Variants in PIGU observed in about 807,000 individuals in gnomAD.
PIGU encodes the protein phosphatidylinositol glycan anchor biosynthesis class U, also known as GPI-anchor transamidase component PIGU.
In PIGU, 24 loss-of-function variants were observed where a neutral mutation model predicts 49.9. That is an observed-to-expected ratio of 0.48 (90% CI 0.35 to 0.68). The LOEUF (loss-of-function observed/expected upper bound fraction) is 0.68, where lower values mean the gene tolerates loss of function less well. PIGU is among the 30% of genes least tolerant of loss of function. The probability of loss-of-function intolerance (pLI) is 0.01; values close to 1 mark genes in which losing one functional copy is unlikely to be tolerated. For synonymous variants in PIGU, 220 were observed against 205.7 expected, an observed-to-expected ratio of 1.07 and a Z score of -0.59; for missense variants, 490 against 532.6, an observed-to-expected ratio of 0.92 and a Z score of 0.79.
chr20:34,644,718 G>A (rs1016420000), intron 3 of PIGU, among the ~76,000 whole-genome samples: 4 of 151,996 alleles, frequency 2.6e-5, no homozygotes, highest in Non-Finnish European at 4.4e-5. Context: ...GAAGCTTCTC[G>A]CCCCTGAAAG....
chr20:34,673,165 A>C (rs1188703535), intron 1 of PIGU, among the ~76,000 whole-genome samples: 1 of 150,948 alleles, frequency 6.6e-6, no homozygotes, highest in Non-Finnish European at 1.5e-5. Context: ...GAGGCAGGAG[A>C]ATGGCGTAAA....
intron 3 of PIGU, 71 bp downstream of exon 3, chr20:34,645,202 AAG>A (rs969846079): frequency 8.8e-5 from 117 of 1,334,128 alleles, no homozygotes; most frequent in East Asian, 1.8e-4. Flanking sequence ...AAAAAAAAAA[AAG>A]AGAGAGAGAG....
At chr20:34,570,146 T>TA (rs1162479251) in intron 11 of PIGU, among the ~76,000 whole-genome samples, 2 of 152,166 alleles carry the variant, frequency 1.3e-5, no homozygotes, top group African/African-American at 4.8e-5. Flanking sequence ...AGGACTCAAA[T>TA]AAAAAGGAGG....
At chr20:34,598,881 C>T (rs1984301420) in intron 7 of PIGU, among the ~76,000 whole-genome samples, 1 of 152,104 alleles carries the variant, frequency 6.6e-6, no homozygotes, top group African/African-American at 2.4e-5. Flanking sequence ...GCTTTGTTGC[C>T]CAGGCTGGTG....
intron 6 of PIGU, among the ~76,000 whole-genome samples, chr20:34,630,977 T>C (rs751060551): frequency 1.3e-5 from 2 of 151,988 alleles, no homozygotes; most frequent in Non-Finnish European, 2.9e-5. Flanking sequence ...CAGCAAGGAT[T>C]ACCATACATA....
At chr20:34,671,465 G>A (rs1204129652) in intron 1 of PIGU, among the ~76,000 whole-genome samples, 2 of 151,864 alleles carry the variant, frequency 1.3e-5, no homozygotes, top group Non-Finnish European at 2.9e-5. Flanking sequence ...GTTTCTCCAT[G>A]TCGGTCAGGC....
chr20:34,643,150 A>G (rs1986223156), intron 4 of PIGU, among the ~76,000 whole-genome samples: 1 of 152,108 alleles, frequency 6.6e-6, no homozygotes, highest in African/African-American at 2.4e-5. Flanking sequence ...TGGTGATACT[A>G]AGTCCCTAAA....
In PIGU at chr20:34,637,501, C is replaced by T. The variant is rs78442028; in HGVS notation, c.428+375G>A. Among the ~76,000 whole-genome samples the T allele has an allele frequency of 6.0e-3, 906 of 152,228 alleles. 3 individuals carry two copies. Among genetic ancestry groups the T allele is most frequent in the African/African-American group, 0.02 (838 of 41,532 alleles). On this transcript the variant is annotated intron_variant, in intron 5 of 11. Coordinates refer to ENST00000217446, the MANE Select transcript of PIGU (RefSeq NM_080476.5). ...TACAAATGGAGGACTATACTGTACA[C>T]GAAACATAAGAGCTGCTTGAAATGG... is the stretch of plus-strand genomic sequence containing the variant.
chr20:34,665,479 A>G (rs940180780), intron 1 of PIGU, among the ~76,000 whole-genome samples: 28 of 151,600 alleles, frequency 1.8e-4, no homozygotes, highest in African/African-American at 6.5e-4. Flanking sequence ...CTGGGATTAC[A>G]GGCGTGAGCC....
chr20:34,599,796 G>C (rs1221309143), intron 7 of PIGU, among the ~76,000 whole-genome samples: 1 of 152,182 alleles, frequency 6.6e-6, no homozygotes, highest in African/African-American at 2.4e-5. Context: ...ATAGATCTTA[G>C]GTGAGAGGAA....
intron 7 of PIGU, among the ~76,000 whole-genome samples, chr20:34,614,260 G>C (rs1984924575): frequency 6.6e-6 from 1 of 152,058 alleles, no homozygotes; most frequent in Middle Eastern, 3.2e-3. Context: ...CTGCGGCACT[G>C]CACATCCCAT....
Position 34,666,450 on chromosome 20 carries a change from GT to G in PIGU, c.131-9207del, listed in dbSNP as rs11390662. On this transcript the variant is annotated intron_variant, in intron 1 of 11. Coordinates refer to ENST00000217446, the MANE Select transcript of PIGU (RefSeq NM_080476.5). ...TATGGCCAACTATTGTAAAATGTAA[GT>G]TTTTTTTTTTTTGATAAAGACTCTC... Among the ~76,000 whole-genome samples the G allele has an allele frequency of 3.4e-3, 495 of 144,438 alleles. 13 individuals are homozygous for G. The South Asian group carries it at 0.053, about 16-fold the overall frequency. 94.8% of individuals were successfully genotyped at this position (144,438 alleles called of 152,430 possible).
chr20:34,667,070 G>A (rs535189313), intron 1 of PIGU, among the ~76,000 whole-genome samples: 2 of 151,878 alleles, frequency 1.3e-5, no homozygotes, highest in South Asian at 4.2e-4. Flanking sequence ...TCAAACTCCC[G>A]GCCTCAAGCG....
intron 7 of PIGU, among the ~76,000 whole-genome samples, chr20:34,600,958 C>A (rs1007130360): frequency 2.0e-5 from 3 of 151,748 alleles, no homozygotes; most frequent in South Asian, 2.1e-4. Flanking sequence ...TGCTTGAACC[C>A]AGGAGGTGGA....
chr20:34,645,776 A>G (rs1186849196), intron 2 of PIGU, among the ~76,000 whole-genome samples: 2 of 152,152 alleles, frequency 1.3e-5, no homozygotes, highest in Non-Finnish European at 2.9e-5. Context: ...GGGCGCCTGT[A>G]GTCCCAACTA....
intron 2 of PIGU, 118 bp from the exon 3 acceptor site, chr20:34,645,452 C>T: frequency 7.8e-7 from 1 of 1,284,516 alleles, no homozygotes; most frequent in Non-Finnish European, 1.0e-6. Flanking sequence ...CTAGTATTCT[C>T]CTTCCTGGAA....
chr20:34,571,353 A>G (rs909580722), intron 11 of PIGU, among the ~76,000 whole-genome samples: 1 of 152,182 alleles, frequency 6.6e-6, no homozygotes, highest in Admixed American at 6.5e-5. Flanking sequence ...TAATCCACAC[A>G]TAATTTGTTC....
intron 2 of PIGU, among the ~76,000 whole-genome samples, chr20:34,648,452 T>C (rs900406627): frequency 1.3e-5 from 2 of 152,206 alleles, no homozygotes; most frequent in Admixed American, 6.6e-5. Flanking sequence ...ATAGTATAGT[T>C]ACATCAGCCT....
rs1407810299 is a variant in PIGU at position 34,634,845 on chromosome 20, C to T, written c.429-130G>A. On this transcript the variant is annotated intron_variant, in intron 5 of 11. Coordinates refer to ENST00000217446, the MANE Select transcript of PIGU (RefSeq NM_080476.5). ...AGGCAGCTTCTCAGAAATGAGTTCC[C>T]CCAAATAAAAGAGAATAGAGTGGGG... 8.5e-5 allele frequency: 120 copies of T among 1,412,712 alleles called. 1 individual carries two copies. Among genetic ancestry groups the T allele is most frequent in the Middle Eastern group, 1.9e-4 (1 of 5,256 alleles). The allele number at this position is 1,412,712 out of a possible 1,614,324, so 87.5% of individuals were successfully genotyped here. A position where few individuals can be genotyped will look rare whatever the true frequency, so the allele number is the denominator to read the frequency against.
Sources: gnomAD v4.1 joint callset for allele counts (sites outside exome capture counted in the v4.1 genomes callset) on GRCh38, gnomAD v4.1.1 for gene constraint, MANE v1.5 for transcripts, NCBI Gene and HGNC (gene_info 2026-07-23, HGNC 2026-07-21) for gene names.